CTNNA1: variants seen among roughly 807,000 people sequenced by gnomAD.
CTNNA1 encodes catenin alpha 1.
A neutral mutation model predicts 98.4 loss-of-function variants in CTNNA1; 37 were observed. The ratio of observed to expected loss-of-function variants is 0.38; its 90% CI spans 0.29 to 0.49. The LOEUF (loss-of-function observed/expected upper bound fraction) is 0.49, where lower values mean the gene tolerates loss of function less well. Among genes scored for constraint, CTNNA1 ranks in the 20% least tolerant of loss-of-function variants. CTNNA1 has a pLI of 0.95. For synonymous variants in CTNNA1, 404 were observed against 413.2 expected (o/e 0.98, Z 0.27); for missense variants, 761 against 1,147.2 (o/e 0.66, Z 4.86).
intron 7 of CTNNA1, among the ~76,000 whole-genome samples, chr5:138,877,098 A>G (rs185008520): frequency 4.5e-4 from 69 of 152,322 alleles, no homozygotes; most frequent in African/African-American, 1.5e-3. Flanking sequence ...GCCAGTGAAC[A>G]GACTCTTGAG....
intron 10 of CTNNA1, among the ~76,000 whole-genome samples, chr5:138,905,370 C>A (rs997464801): frequency 3.9e-5 from 6 of 152,274 alleles, no homozygotes; most frequent in Admixed American, 1.3e-4. Context: ...GAGGGAGAGT[C>A]TACACCCTCC....
chr5:138,911,189 T>C (rs1760536519), intron 10 of CTNNA1, among the ~76,000 whole-genome samples: 1 of 152,144 alleles, frequency 6.6e-6, no homozygotes, highest in Admixed American at 6.5e-5. Flanking sequence ...TGAGCCATGA[T>C]TGTGCCCCTG....
intron 7 of CTNNA1, among the ~76,000 whole-genome samples, chr5:138,829,021 C>G (rs1411603625): frequency 6.6e-6 from 1 of 152,072 alleles, no homozygotes; most frequent in East Asian, 1.9e-4. Flanking sequence ...ACTCGGGAGG[C>G]TGAGGCGGAA....
chr5:138,846,158 G>T (rs1412602471), intron 7 of CTNNA1, among the ~76,000 whole-genome samples: 1 of 152,096 alleles, frequency 6.6e-6, no homozygotes, highest in Non-Finnish European at 1.5e-5. Context: ...CACCATCTTG[G>T]CCAGGCTGGT....
intron 3 of CTNNA1, among the ~76,000 whole-genome samples, chr5:138,789,169 A>T (rs1233809053): frequency 8.9e-6 from 1 of 111,782 alleles, no homozygotes; most frequent in Non-Finnish European, 1.8e-5. Flanking sequence ...AGCACATAGG[A>T]GGCTGTTTTT....
chr5:138,887,034 C>G (rs904197140), intron 8 of CTNNA1, among the ~76,000 whole-genome samples: 3 of 151,948 alleles, frequency 2.0e-5, no homozygotes, highest in African/African-American at 7.2e-5. Context: ...ATAAAGAGAA[C>G]CTTAAGTTTT....
At chr5:138,861,178 G>A (rs1273646451) in intron 7 of CTNNA1, among the ~76,000 whole-genome samples, 1 of 151,912 alleles carries the variant, frequency 6.6e-6, no homozygotes, top group East Asian at 1.9e-4. Flanking sequence ...GCACCACCAT[G>A]CCTGGCTAAT....
At chr5:138,800,778 G>A (rs1259321993) in intron 3 of CTNNA1, among the ~76,000 whole-genome samples, 1 of 152,050 alleles carries the variant, frequency 6.6e-6, no homozygotes, top group Non-Finnish European at 1.5e-5. Context: ...ATTCCAGCCT[G>A]GGCAACAAGA....
chr5:138,931,032 C>CT (rs1270092734), intron 16 of CTNNA1, 97 bp downstream of exon 16: 16 of 731,780 alleles, frequency 2.2e-5, no homozygotes, highest in African/African-American at 1.6e-4. Flanking sequence ...GGCCACAGCA[C>CT]TTTTGCCACT....
chr5:138,907,716 G>T (rs912087611), intron 10 of CTNNA1, among the ~76,000 whole-genome samples: 2 of 152,214 alleles, frequency 1.3e-5, no homozygotes, highest in African/African-American at 4.8e-5. Context: ...GCAGCATGTA[G>T]CCAAACATTT....
chr5:138,771,176 CAT>C (rs967842025), intron 1 of CTNNA1, among the ~76,000 whole-genome samples: 5 of 151,522 alleles, frequency 3.3e-5, no homozygotes, highest in African/African-American at 9.7e-5. Flanking sequence ...AGGAGGCACT[CAT>C]ATTTGTGAGT....
intron 9 of CTNNA1, among the ~76,000 whole-genome samples, chr5:138,897,986 A>G (rs1757248358): frequency 6.6e-6 from 1 of 152,204 alleles, no homozygotes; most frequent in Admixed American, 6.5e-5. Context: ...AGCTTTTGAT[A>G]CAGTTTGGGT....
chr5:138,822,041 A>G (rs572750055), intron 5 of CTNNA1, among the ~76,000 whole-genome samples: 1 of 152,364 alleles, frequency 6.6e-6, no homozygotes, highest in East Asian at 1.9e-4. Flanking sequence ...AGCAGTCAGG[A>G]CAAATGATGG....
intron 5 of CTNNA1, among the ~76,000 whole-genome samples, chr5:138,820,868 C>T (rs1377542478): frequency 1.3e-5 from 2 of 152,088 alleles, no homozygotes; most frequent in Admixed American, 6.5e-5. Flanking sequence ...TAACTGGTCG[C>T]ATATTAATTG....
chr5:138,808,725 AGT>A (rs993904037), intron 3 of CTNNA1, among the ~76,000 whole-genome samples: 2 of 151,218 alleles, frequency 1.3e-5, no homozygotes, highest in African/African-American at 4.9e-5. Flanking sequence ...AAGACATGAG[AGT>A]GTGAATGGGT....
intron 10 of CTNNA1, among the ~76,000 whole-genome samples, chr5:138,915,198 A>C (rs909645983): frequency 6.6e-6 from 1 of 152,030 alleles, no homozygotes; most frequent in Non-Finnish European, 1.5e-5. Context: ...ACCCATAAGC[A>C]CCTTGTACCT....
intron 1 of CTNNA1, among the ~76,000 whole-genome samples, chr5:138,756,842 T>C (rs1313080145): frequency 2.0e-5 from 3 of 152,100 alleles, no homozygotes; most frequent in Admixed American, 6.6e-5. Flanking sequence ...GCTAGGAAGA[T>C]GGTGGAGTAC....
Position 138,904,636 on chromosome 5 carries a change from T to G in CTNNA1, c.1389+195T>G. On this transcript the variant is annotated intron_variant, in intron 10 of 17. Coordinates refer to ENST00000302763, the MANE Select transcript of CTNNA1 (RefSeq NM_001903.5). ...ATTAAGTGACATTTGCACGGGAGAT[T>G]ACATGTTACTCCTGGCCCTTCATTG... is the stretch of plus-strand genomic sequence containing the variant. The G allele has an allele frequency of 7.5e-6, 5 of 663,620 alleles. No homozygotes were observed. In the South Asian group the frequency reaches 1.3e-4, roughly 17 times the overall value. The allele number at this position is 663,620 out of a possible 1,614,324, so 41.1% of individuals were successfully genotyped here.
chr5:138,777,669 AAC>A (rs1754501137), intron 1 of CTNNA1, among the ~76,000 whole-genome samples: 1 of 151,914 alleles, frequency 6.6e-6, no homozygotes, highest in South Asian at 2.1e-4. Context: ...CAGCCCGGCT[AAC>A]ACAGTGAAAC....
Sources: gnomAD v4.1 joint callset for allele counts (sites outside exome capture counted in the v4.1 genomes callset) on GRCh38, gnomAD v4.1.1 for gene constraint, MANE v1.5 for transcripts, NCBI Gene and HGNC (gene_info 2026-07-23, HGNC 2026-07-21) for gene names.